The following CHRNA7 variants were observed in gnomAD, a reference collection of about 807,000 sequenced individuals.
The protein encoded by CHRNA7 is neuronal acetylcholine receptor subunit alpha-7.
CHRNA7 carries 17 observed loss-of-function variants against 48.0 expected under a neutral mutation model. That is an observed-to-expected ratio of 0.35 (90% confidence interval 0.24 to 0.53). The LOEUF is 0.53. CHRNA7 is among the 20% of genes least tolerant of loss of function. The pLI is 0.92. For synonymous variants in CHRNA7, 75 were observed against 242.3 expected (o/e 0.31, Z 6.41); for missense variants, 155 against 577.7 (o/e 0.27, Z 7.50).
chr15:32,151,792 T>A (rs1033117716), intron 4 of CHRNA7, among the ~76,000 whole-genome samples: 2 of 152,238 alleles, frequency 1.3e-5, no homozygotes, highest in Non-Finnish European at 2.9e-5. Context: ...TGACTCATTC[T>A]TTTTGGATCT....
chr15:32,125,719 A>G (rs1284579040), intron 4 of CHRNA7, among the ~76,000 whole-genome samples: 1 of 152,164 alleles, frequency 6.6e-6, no homozygotes, highest in Non-Finnish European at 1.5e-5. Context: ...GATTGTTAAC[A>G]ATGGAAACTG....
rs138350855 is a variant in CHRNA7, at chr15:32,066,994, GA to G, written c.196-34301del. Among the ~76,000 whole-genome samples, 1,014 of 151,724 alleles carry G rather than the reference GA, an allele frequency of 6.7e-3. 78 individuals carry two copies. In the East Asian group the frequency reaches 0.18, roughly 27 times the overall value. On this transcript the variant is annotated intron_variant, in intron 2 of 9. Transcript: ENST00000306901. ...GAGTTTATCCCATCTGAATAACTGA[GA>G]AAAAAAATGGGGAAAAATGAACTAA...
intron 4 of CHRNA7, among the ~76,000 whole-genome samples, chr15:32,153,149 G>A (rs1229329106): frequency 2.0e-5 from 3 of 152,146 alleles, no homozygotes; most frequent in African/African-American, 7.2e-5. Context: ...GGCCGGGCAC[G>A]GTGGCTCACG....
At chr15:32,068,732 A>G (rs1427358563) in intron 2 of CHRNA7, among the ~76,000 whole-genome samples, 1 of 152,288 alleles carries the variant, frequency 6.6e-6, no homozygotes, top group Non-Finnish European at 1.5e-5. Context: ...CGGGGAAAAA[A>G]AAAAAGAAAA....
At chr15:32,145,332 GC>G (rs1340698533) in intron 4 of CHRNA7, among the ~76,000 whole-genome samples, 2 of 152,116 alleles carry the variant, frequency 1.3e-5, no homozygotes, top group African/African-American at 4.8e-5. Flanking sequence ...GTGTCTGTTG[GC>G]CCCTACTGGG....
At position 32,053,957 on chromosome 15, in the gene CHRNA7, G is replaced by T. The variant is rs1374434613; in HGVS notation, c.195+22920G>T. On this transcript the variant is annotated intron_variant, in intron 2 of 9. Coordinates refer to ENST00000306901, the MANE Select transcript of CHRNA7 (RefSeq NM_000746.6). ...TGGTTAATGAATGCCACCTGTGAGA[G>T]ATTCTCAGCATGGGAAATTTACTCT... Among the ~76,000 whole-genome samples the T allele has an allele frequency of 3.3e-5, 5 of 152,264 alleles. No homozygotes were observed. In the East Asian group the frequency reaches 9.6e-4, roughly 29 times the overall value.
intron 2 of CHRNA7, among the ~76,000 whole-genome samples, chr15:32,096,194 T>C (rs1428383888): frequency 3.3e-5 from 5 of 152,264 alleles, no homozygotes; most frequent in African/African-American, 1.2e-4. Context: ...TGCGTGTGCA[T>C]GTGACATTTA....
chr15:32,110,155 A>T (rs2050739756), intron 3 of CHRNA7, among the ~76,000 whole-genome samples: 1 of 152,154 alleles, frequency 6.6e-6, no homozygotes, highest in Non-Finnish European at 1.5e-5. Context: ...GAGATGCAAG[A>T]CTGTGGCACA....
intron 4 of CHRNA7, among the ~76,000 whole-genome samples, chr15:32,147,370 A>G (rs1003903941): frequency 6.6e-6 from 1 of 152,178 alleles, no homozygotes; most frequent in African/African-American, 2.4e-5. Flanking sequence ...TGTGACAAAC[A>G]TGCACATGTA....
intron 4 of CHRNA7, among the ~76,000 whole-genome samples, chr15:32,140,576 G>A (rs780838967): frequency 6.0e-4 from 92 of 152,228 alleles, no homozygotes; most frequent in Non-Finnish European, 7.5e-4. Context: ...ATCCTCTCTA[G>A]CATCTGTTGT....
intron 4 of CHRNA7, among the ~76,000 whole-genome samples, chr15:32,145,131 A>G (rs1047538361): frequency 6.6e-5 from 10 of 152,156 alleles, no homozygotes; most frequent in Non-Finnish European, 1.3e-4. Context: ...TGTTGATGCT[A>G]TTCCTTTCTG....
At chr15:32,131,820 C>T (rs934364929) in intron 4 of CHRNA7, among the ~76,000 whole-genome samples, 1 of 152,160 alleles carries the variant, frequency 6.6e-6, no homozygotes, top group South Asian at 2.1e-4. Flanking sequence ...CACTAGACCT[C>T]CTCTGACACT....
chr15:32,055,762 G>A (rs1159596770), intron 2 of CHRNA7, among the ~76,000 whole-genome samples: 3 of 152,210 alleles, frequency 2.0e-5, no homozygotes, highest in East Asian at 1.9e-4. Flanking sequence ...GGCGGATCAC[G>A]AGGTCAGGAG....
intron 4 of CHRNA7, among the ~76,000 whole-genome samples, chr15:32,134,219 C>T (rs1047414259): frequency 6.6e-6 from 1 of 151,718 alleles, no homozygotes; most frequent in Non-Finnish European, 1.5e-5. Flanking sequence ...AGTACAGTGG[C>T]GGGATCTCGG....
At chr15:32,095,796 A>G (rs1023724565) in intron 2 of CHRNA7, among the ~76,000 whole-genome samples, 3 of 152,236 alleles carry the variant, frequency 2.0e-5, no homozygotes, top group Admixed American at 1.3e-4. Context: ...GTCTTGTACA[A>G]TTACCAAAGG....
intron 4 of CHRNA7, among the ~76,000 whole-genome samples, chr15:32,118,142 A>G (rs2050905507): frequency 6.6e-6 from 1 of 152,150 alleles, no homozygotes; most frequent in South Asian, 2.1e-4. Context: ...AAGAAGAGGA[A>G]GAGAGGCCTG....
chr15:32,133,511 T>C (rs2051192613), intron 4 of CHRNA7, among the ~76,000 whole-genome samples: 1 of 152,154 alleles, frequency 6.6e-6, no homozygotes, highest in South Asian at 2.1e-4. Context: ...GCTTCTGCCC[T>C]CTTGCCCTGT....
At chr15:32,068,633 G>T (rs1013491893) in intron 2 of CHRNA7, among the ~76,000 whole-genome samples, 22 of 151,784 alleles carry the variant, frequency 1.4e-4, no homozygotes, top group African/African-American at 5.3e-4. Flanking sequence ...TGAGGCAGGA[G>T]AATTGCTTGA....
At chr15:32,104,251 A>C (rs2141265689) in intron 3 of CHRNA7, among the ~76,000 whole-genome samples, 1 of 151,700 alleles carries the variant, frequency 6.6e-6, no homozygotes, top group East Asian at 2.0e-4. Flanking sequence ...GTTGGGTGAC[A>C]CACACGTCAC....
Sources: gnomAD v4.1 joint callset for allele counts (sites outside exome capture counted in the v4.1 genomes callset) on GRCh38, gnomAD v4.1.1 for gene constraint, MANE v1.5 for transcripts, NCBI Gene and HGNC (gene_info 2026-07-23, HGNC 2026-07-21) for gene names.